The following C2CD3 variants were observed in gnomAD, a reference collection of about 807,000 sequenced individuals.
C2CD3 encodes the protein C2 domain containing 3 centriole elongation regulator.
Under a neutral mutation model 234.0 loss-of-function variants are expected in C2CD3, and 148 were observed. The ratio of observed to expected loss-of-function variants is 0.63; its 90% CI spans 0.55 to 0.72. C2CD3 has a LOEUF of 0.72. C2CD3 is among the 30% of genes least tolerant of loss of function. The pLI, the probability that C2CD3 is intolerant of heterozygous loss-of-function variation, is 0.00. For synonymous variants in C2CD3, 1,000 were observed against 1,035.4 expected (o/e 0.97, Z 0.66); for missense variants, 2,577 against 2,811.5 (o/e 0.92, Z 1.89).
At chr11:74,157,020 C>T (rs869616) in intron 3 of C2CD3, among the ~76,000 whole-genome samples, 1 of 152,002 alleles carries the variant, frequency 6.6e-6, no homozygotes, top group Admixed American at 6.5e-5. Flanking sequence ...GTACTCCTCC[C>T]GATTTCATTT....
At chr11:74,022,653 A>G (rs540146235) in intron 32 of C2CD3, among the ~76,000 whole-genome samples, 1 of 152,328 alleles carries the variant, frequency 6.6e-6, no homozygotes, top group Non-Finnish European at 1.5e-5. Flanking sequence ...CCTGTATGGA[A>G]GTTGATAAAA....
chr11:74,071,487 C>T (rs909724406), intron 24 of C2CD3, among the ~76,000 whole-genome samples: 1 of 152,198 alleles, frequency 6.6e-6, no homozygotes, highest in African/African-American at 2.4e-5. Context: ...ACCTGCCCAT[C>T]TGGTTCTGCA....
intron 28 of C2CD3, among the ~76,000 whole-genome samples, chr11:74,045,185 C>T (rs1442068849): frequency 6.6e-6 from 1 of 152,140 alleles, no homozygotes; most frequent in Non-Finnish European, 1.5e-5. Flanking sequence ...ACTAGTCTTT[C>T]CTCATTAGTC....
rs1028658414 is a variant in C2CD3, at chr11:74,048,306, G to A, written c.5394C>T (p.Ala1798=). 4.3e-6 allele frequency: 7 copies of A among 1,613,582 alleles called. No individual in the cohort carries two copies. Among genetic ancestry groups the A allele is most frequent in the Non-Finnish European group, 5.9e-6 (7 of 1,179,766 alleles). The change falls in exon 28 of 33, where the codon GCC becomes GCT. Residue 1798 remains alanine, a synonymous_variant. Coordinates refer to ENST00000334126, the MANE Select transcript of C2CD3 (RefSeq NM_001286577.2). The stretch of plus-strand genomic sequence containing the variant: ...TGGAGAATGCAGCATACGTATCAGA[G>A]GCAGGGAAGGAAAAGGGACTGTATA... The part of the protein sequence containing the change: ...IPIYSPFSFP[A]SDTYAAFSSH...
chr11:74,139,465 G>T (rs565914737), intron 4 of C2CD3, 140 bp downstream of exon 4: 3 of 720,108 alleles, frequency 4.2e-6, no homozygotes, highest in South Asian at 1.6e-5. Context: ...GACCAGAGTG[G>T]GTGCTTCACA....
intron 3 of C2CD3, among the ~76,000 whole-genome samples, chr11:74,158,792 G>A (rs1374252979): frequency 6.6e-6 from 1 of 151,600 alleles, no homozygotes; most frequent in Admixed American, 6.6e-5. Flanking sequence ...AAATCAAAAC[G>A]ACAATGAGAT....
chr11:74,015,198 G>C (rs1951835880), intron 32 of C2CD3, among the ~76,000 whole-genome samples: 1 of 152,206 alleles, frequency 6.6e-6, no homozygotes, highest in Admixed American at 6.5e-5. Context: ...GGATCCCAGC[G>C]AGGCCAGTTC....
chr11:74,099,462 T>C (rs1415885383), intron 15 of C2CD3, among the ~76,000 whole-genome samples: 1 of 152,196 alleles, frequency 6.6e-6, no homozygotes, highest in Non-Finnish European at 1.5e-5. Context: ...TATAGTAAGG[T>C]TCAAATGAGC....
At chr11:74,145,916 C>T (rs1855153032) in intron 3 of C2CD3, among the ~76,000 whole-genome samples, 1 of 152,088 alleles carries the variant, frequency 6.6e-6, no homozygotes, top group African/African-American at 2.4e-5. Flanking sequence ...TCTTGCTTCC[C>T]AAATAAAATG....
At chr11:74,087,545 CAA>C (rs756669617) in intron 20 of C2CD3, among the ~76,000 whole-genome samples, 6 of 147,064 alleles carry the variant, frequency 4.1e-5, no homozygotes, top group Non-Finnish European at 7.5e-5. Flanking sequence ...GCCAGGGCGA[CAA>C]GAGTGAAACT....
intron 24 of C2CD3, among the ~76,000 whole-genome samples, chr11:74,067,779 T>G (rs1954611742): frequency 6.6e-6 from 1 of 152,184 alleles, no homozygotes; most frequent in Non-Finnish European, 1.5e-5. Flanking sequence ...ACTCCTTTAT[T>G]GTACAGATTG....
intron 30 of C2CD3, among the ~76,000 whole-genome samples, chr11:74,036,653 T>C (rs1476570078): frequency 3.9e-5 from 6 of 152,210 alleles, no homozygotes; most frequent in Non-Finnish European, 8.8e-5. Flanking sequence ...GATTTCCCAG[T>C]GTTCCCTGAA....
chr11:74,123,696 G>C (rs565120135), intron 7 of C2CD3, among the ~76,000 whole-genome samples: 1 of 149,042 alleles, frequency 6.7e-6, no homozygotes, highest in East Asian at 2.0e-4. Context: ...AATTTTGAAG[G>C]AACAAATACT....
chr11:74,117,896 A>G (rs1043749479), intron 9 of C2CD3, among the ~76,000 whole-genome samples: 1 of 151,030 alleles, frequency 6.6e-6, no homozygotes, highest in African/African-American at 2.4e-5. Context: ...CTGGGAAACA[A>G]GAGCGAAACT....
Position 74,082,130 on chromosome 11 carries a change from T to A in C2CD3, c.4000+2751A>T, listed in dbSNP as rs1176801071. On this transcript the variant is annotated intron_variant, in intron 22 of 32. Coordinates refer to ENST00000334126, the MANE Select transcript of C2CD3 (RefSeq NM_001286577.2). Reference sequence around the variant, plus strand: ...ATGATACTGGCTGTGGATATTTTTTTTTTTTTTTTTGAGACGGAGTCTCGG... The same window carrying A: ...ATGATACTGGCTGTGGATATTTTTTATTTTTTTTTTGAGACGGAGTCTCGG... Among the ~76,000 whole-genome samples, 3 of 151,476 alleles carry A rather than the reference T, an allele frequency of 2.0e-5. No individual in the cohort carries two copies. In the East Asian group the frequency reaches 5.8e-4, roughly 29 times the overall value.
intron 23 of C2CD3, among the ~76,000 whole-genome samples, chr11:74,075,361 T>C (rs903468288): frequency 6.2e-5 from 1 of 16,110 alleles, no homozygotes; most frequent in Non-Finnish European, 1.4e-4. Flanking sequence ...GTTCGGGCGA[T>C]ATTTTGGGGG....
In C2CD3 at chr11:74,110,191, C is replaced by T. The variant is rs191783669; in HGVS notation, c.1844-1039G>A. On this transcript the variant is annotated intron_variant, in intron 11 of 32. Transcript: ENST00000334126. ...TCTAATACTTACTATTACTTACCAC[C>T]GCAGAAACAATTTATCACCTATAAA... 1.3e-3 allele frequency among the ~76,000 whole-genome samples: 188 copies of T among 146,396 alleles called. No individual in the cohort carries two copies. In the Middle Eastern group the frequency reaches 0.021, roughly 16 times the overall value.
In C2CD3 at chr11:74,109,032, A is replaced by T. The variant is rs1565303622; in HGVS notation, c.1962+2T>A. ...GGCAAAGGCCAAAATCACTCAAAGTACCTTTTTCTGTGGAGTTTTCTTTAC... is the reference window on the plus strand; with the variant it reads ...GGCAAAGGCCAAAATCACTCAAAGTTCCTTTTTCTGTGGAGTTTTCTTTAC... On this transcript the variant is annotated splice_donor_variant, in intron 12 of 32. Transcript: ENST00000334126. LOFTEE classifies it high-confidence loss of function. The T allele has an allele frequency of 1.3e-5, 20 of 1,524,484 alleles. No homozygotes were observed. The highest frequency in any genetic ancestry group is 1.7e-5 in the Non-Finnish European group (19 of 1,100,654). The allele number at this position is 1,524,484 out of a possible 1,614,324, so 94.4% of individuals were successfully genotyped here.
In C2CD3 at chr11:74,074,536, C is replaced by G; in HGVS notation, c.4668G>C (p.Val1556=). ...NLSGAALRVH[V]VLSSLSSHLE... ...GGTGTGAGGAAAGAGAGGAAAGAACCACATGAACTCGCAAGGCAGCTCCTG... is the reference window on the plus strand; with the variant it reads ...GGTGTGAGGAAAGAGAGGAAAGAACGACATGAACTCGCAAGGCAGCTCCTG... The change falls in exon 24 of 33, where the codon GTG becomes GTC. Residue 1556 remains valine, a synonymous_variant. Coordinates refer to ENST00000334126, the MANE Select transcript of C2CD3 (RefSeq NM_001286577.2). 1.2e-6 allele frequency: 2 copies of G among 1,614,140 alleles called. No individual in the cohort carries two copies. Among genetic ancestry groups the G allele is most frequent in the Non-Finnish European group, 8.5e-7 (1 of 1,180,016 alleles).
Sources: allele counts gnomAD v4.1 joint callset (sites outside exome capture counted in the v4.1 genomes callset), GRCh38; gene constraint gnomAD v4.1.1; transcripts MANE v1.5; gene names NCBI Gene and HGNC (gene_info 2026-07-23, HGNC 2026-07-21).